The following ADGRL4 variants were observed in gnomAD, a reference collection of about 807,000 sequenced individuals.
ADGRL4 encodes the protein EGF, latrophilin and seven transmembrane domain containing 1.
In ADGRL4, 90 loss-of-function variants were observed where a neutral mutation model predicts 74.8. The ratio of observed to expected loss-of-function variants is 1.20; its 90% confidence interval spans 1.02 to 1.43. ADGRL4 has a LOEUF of 1.43. Ranked by LOEUF, ADGRL4 falls within the 40% of genes most tolerant of loss-of-function variation. ADGRL4 has a pLI of 0.00. For synonymous variants in ADGRL4, 311 were observed against 279.2 expected (o/e 1.11, Z -1.14); for missense variants, 881 against 814.3 (o/e 1.08, Z -1.00).
In ADGRL4 at chr1:78,971,542, C is replaced by T. The variant is rs561899594; in HGVS notation, c.173-25116G>A. Among the ~76,000 whole-genome samples, 3 of 152,236 alleles carry T rather than the reference C, an allele frequency of 2.0e-5. No homozygotes were observed. The East Asian group carries it at 5.8e-4, about 30-fold the overall frequency. ...TTCAATCGGCAAGGCAGGAAGCACACTAGCAGGACTCTGGTTTTGTAGAAA... is the reference window on the plus strand; with the variant it reads ...TTCAATCGGCAAGGCAGGAAGCACATTAGCAGGACTCTGGTTTTGTAGAAA... On this transcript the variant is annotated intron_variant, in intron 2 of 14. Transcript: ENST00000370742.
chr1:78,897,543 A>G (rs1021792104), intron 12 of ADGRL4, among the ~76,000 whole-genome samples: 2 of 152,060 alleles, frequency 1.3e-5, no homozygotes, highest in African/African-American at 4.8e-5. Flanking sequence ...AGTTGGGCCA[A>G]TCTGCCTCTC....
chr1:78,986,156 A>G (rs1650490656), intron 2 of ADGRL4, among the ~76,000 whole-genome samples: 1 of 151,818 alleles, frequency 6.6e-6, no homozygotes, highest in Non-Finnish European at 1.5e-5. Flanking sequence ...CCTGCACATG[A>G]ATCCTTGGAC....
chr1:78,975,337 G>A (rs372747743), intron 2 of ADGRL4, among the ~76,000 whole-genome samples: 1 of 152,142 alleles, frequency 6.6e-6, no homozygotes, highest in East Asian at 1.9e-4. Context: ...TAGGAACAAT[G>A]ATGGTAAATC....
chr1:78,959,099 G>A (rs1649890873), intron 2 of ADGRL4, among the ~76,000 whole-genome samples: 2 of 152,098 alleles, frequency 1.3e-5, no homozygotes, highest in African/African-American at 4.8e-5. Flanking sequence ...ACTGTATAAT[G>A]TAATGTAAAC....
At chr1:78,998,914 T>C (rs1220710204) in intron 2 of ADGRL4, among the ~76,000 whole-genome samples, 1 of 152,136 alleles carries the variant, frequency 6.6e-6, no homozygotes, top group African/African-American at 2.4e-5. Context: ...AGAGAACTAT[T>C]GTGAGAATTA....
chr1:78,908,002 C>T (rs752086693), intron 12 of ADGRL4, among the ~76,000 whole-genome samples: 1 of 151,836 alleles, frequency 6.6e-6, no homozygotes, highest in African/African-American at 2.4e-5. Context: ...ACAATGTTTC[C>T]GTATGAGAGA....
At chr1:78,932,784 T>C (rs1649271604) in intron 7 of ADGRL4, among the ~76,000 whole-genome samples, 2 of 151,464 alleles carry the variant, frequency 1.3e-5, no homozygotes, top group South Asian at 4.1e-4. Context: ...CATCAGAGAA[T>C]ACTATAAACA....
chr1:78,895,226 C>T (rs1249043953), intron 12 of ADGRL4, among the ~76,000 whole-genome samples: 1 of 151,950 alleles, frequency 6.6e-6, no homozygotes, highest in East Asian at 1.9e-4. Context: ...CACAAATATA[C>T]TGATTATATT....
At chr1:78,954,448 T>C (rs1649790286) in intron 2 of ADGRL4, among the ~76,000 whole-genome samples, 1 of 152,108 alleles carries the variant, frequency 6.6e-6, no homozygotes, top group South Asian at 2.1e-4. Context: ...AAATGAGCTA[T>C]CATTAAATAA....
At chr1:78,983,572 T>C (rs1471308441) in intron 2 of ADGRL4, among the ~76,000 whole-genome samples, 1 of 151,356 alleles carries the variant, frequency 6.6e-6, no homozygotes, top group Non-Finnish European at 1.5e-5. Flanking sequence ...AGCAAAGAGA[T>C]AGAAGATGTT....
chr1:78,938,386 TAC>T, intron 4 of ADGRL4, 107 bp from the exon 5 acceptor site: 1 of 761,308 alleles, frequency 1.3e-6, no homozygotes, highest in East Asian at 2.9e-5. Context: ...TTCCTTGGTC[TAC>T]ACATAAATAA....
intron 6 of ADGRL4, among the ~76,000 whole-genome samples, chr1:78,936,633 C>CT (rs34029596): frequency 6.6e-6 from 1 of 151,928 alleles, no homozygotes; most frequent in African/African-American, 2.4e-5. Flanking sequence ...CATGGTTTAA[C>CT]TTTTTTTGCA....
At chr1:78,972,655 G>A (rs1186294457) in intron 2 of ADGRL4, among the ~76,000 whole-genome samples, 1 of 152,072 alleles carries the variant, frequency 6.6e-6, no homozygotes, top group Non-Finnish European at 1.5e-5. Context: ...TTGGCTATTT[G>A]GCTTCATAAA....
Position 78,920,308 on chromosome 1 carries a change from T to A in ADGRL4, c.1336A>T (p.Ile446Phe), listed in dbSNP as rs1412692036. The A allele has an allele frequency of 4.3e-6, 7 of 1,611,340 alleles. No individual in the cohort carries two copies. In the Admixed American group the frequency reaches 1.2e-4, roughly 27 times the overall value. ...TCACTGAAGAACCAGAAGGTAAAAA[T>A]GCATATGGCAAGACAAATCAGTGAA... ...IISLICLAIC[I>F]FTFWFFSEIQ... The change falls in exon 10 of 15, where the codon ATT (isoleucine) becomes TTT (phenylalanine). Residue 446 changes from isoleucine (I) to phenylalanine (F), a missense_variant. Physicochemically the swap from Ile to Phe is conservative, Grantham distance 21. Transcript: ENST00000370742.
At chr1:78,941,646 C>T (rs1649484460) in intron 3 of ADGRL4, among the ~76,000 whole-genome samples, 1 of 151,986 alleles carries the variant, frequency 6.6e-6, no homozygotes, top group Admixed American at 6.6e-5. Context: ...GCTCCATGGA[C>T]TCAATTTCCA....
intron 12 of ADGRL4, among the ~76,000 whole-genome samples, chr1:78,905,343 A>G (rs1290124760): frequency 6.6e-6 from 1 of 152,098 alleles, no homozygotes; most frequent in Non-Finnish European, 1.5e-5. Flanking sequence ...AGGGTGACCC[A>G]TAAAGTACCC....
intron 12 of ADGRL4, among the ~76,000 whole-genome samples, chr1:78,895,099 G>A (rs58618461): frequency 0.18 from 26,603 of 151,870 alleles, 2,528 homozygotes; most frequent in Admixed American, 0.26. Flanking sequence ...CCCAGGTGCT[G>A]CTGGGCAAGT....
rs1169052879 is a variant in ADGRL4, at chr1:79,005,107, G to A, written c.135C>T (p.Asn45=). The A allele has an allele frequency of 6.2e-7, 1 of 1,612,080 alleles. No individual in the cohort carries two copies. The highest frequency in any genetic ancestry group is 8.5e-7 in the Non-Finnish European group (1 of 1,179,386). The part of the protein sequence containing the change: ...IRNGIEACYC[N]MGFSGNGVTI... ...TGACACCATTTCCTGAAAATCCCAT[G>A]TTGCAATAGCAGGCTTCAATTCCAT... The change falls in exon 2 of 15, where the codon AAC becomes AAT. Residue 45 remains asparagine, a synonymous_variant. Transcript: ENST00000370742.
At position 78,927,036 on chromosome 1, in the gene ADGRL4, T is replaced by G; in HGVS notation, c.933A>C (p.Ser311=). ...GAGGTTTCAATAAGAAGTTGTCAGATGATGAAAGCAAAGGACCAATACTCT... is the reference window on the plus strand; with the variant it reads ...GAGGTTTCAATAAGAAGTTGTCAGAGGATGAAAGCAAAGGACCAATACTCT... ...YYKSIGPLLS[S]SDNFLLKPQN... is the part of the protein sequence containing the mutation. Residue 311 remains serine, a synonymous_variant, in exon 8 of 15, where the codon TCA becomes TCC. Transcript: ENST00000370742. 2.5e-6 allele frequency: 4 copies of G among 1,609,510 alleles called. No individual in the cohort carries two copies. Among genetic ancestry groups the G allele is most frequent in the Non-Finnish European group, 3.4e-6 (4 of 1,176,766 alleles).
Sources: gnomAD v4.1 joint callset for allele counts (sites outside exome capture counted in the v4.1 genomes callset) on GRCh38, gnomAD v4.1.1 for gene constraint, MANE v1.5 for transcripts, NCBI Gene and HGNC (gene_info 2026-07-23, HGNC 2026-07-21) for gene names.